Variants in TRIO observed in about 807,000 individuals in gnomAD.
TRIO encodes trio Rho guanine nucleotide exchange factor.
In TRIO, 58 loss-of-function variants were observed where a neutral mutation model predicts 351.9. The ratio of observed to expected loss-of-function variants is 0.16; its 90% CI spans 0.13 to 0.21. The LOEUF is 0.21. Among genes scored for constraint, TRIO ranks in the 10% least tolerant of loss-of-function variants. The pLI is 1.00. For synonymous variants in TRIO, 1,758 were observed against 1,595.7 expected (o/e 1.10, Z -2.42); for missense variants, 3,201 against 4,027.8 (o/e 0.79, Z 5.56).
At chr5:14,249,565 C>T (rs983903007) in intron 1 of TRIO, among the ~76,000 whole-genome samples, 2 of 152,152 alleles carry the variant, frequency 1.3e-5, no homozygotes, top group African/African-American at 4.8e-5. Context: ...TGGTCCGACC[C>T]CTTGGCATAA....
intron 54 of TRIO, among the ~76,000 whole-genome samples, chr5:14,503,785 G>C (rs185712435): frequency 6.6e-6 from 1 of 152,246 alleles, no homozygotes; most frequent in Non-Finnish European, 1.5e-5. Context: ...CGCCACAGGC[G>C]CATCTCTGGT....
intron 1 of TRIO, among the ~76,000 whole-genome samples, chr5:14,222,733 A>G (rs569597235): frequency 1.2e-4 from 18 of 152,298 alleles, no homozygotes; most frequent in Non-Finnish European, 2.1e-4. Context: ...ACCTTGTAAC[A>G]ATTCTCTGAG....
intron 53 of TRIO, among the ~76,000 whole-genome samples, chr5:14,501,945 T>A (rs1045513520): frequency 6.6e-6 from 1 of 152,226 alleles, no homozygotes; most frequent in Admixed American, 6.5e-5. Flanking sequence ...ACAGGAAGAC[T>A]CTTGAAAGGA....
At chr5:14,413,001 T>C (rs560528222) in intron 33 of TRIO, among the ~76,000 whole-genome samples, 1 of 152,344 alleles carries the variant, frequency 6.6e-6, no homozygotes, top group East Asian at 1.9e-4. Flanking sequence ...GTGACTAGCA[T>C]GTTCTAAGCA....
intron 49 of TRIO, among the ~76,000 whole-genome samples, chr5:14,493,374 G>A (rs764192730): frequency 7.2e-5 from 11 of 152,144 alleles, no homozygotes; most frequent in Non-Finnish European, 1.6e-4. Flanking sequence ...GTCCAACAAC[G>A]TATGCTCACA....
intron 1 of TRIO, among the ~76,000 whole-genome samples, chr5:14,190,942 T>C (rs533036234): frequency 2.6e-5 from 4 of 152,320 alleles, no homozygotes; most frequent in South Asian, 4.1e-4. Flanking sequence ...ATTTCCCTCA[T>C]GCATTAGGTA....
Position 14,283,071 on chromosome 5 carries a change from CCAAA to C in TRIO, c.347+2640_347+2643del, listed in dbSNP as rs200872442. Among the ~76,000 whole-genome samples the C allele has an allele frequency of 3.9e-3, 598 of 152,224 alleles. 4 individuals are homozygous for C. Among genetic ancestry groups the C allele is most frequent in the African/African-American group, 0.013 (556 of 41,522 alleles). On this transcript the variant is annotated intron_variant, in intron 3 of 56. Transcript: ENST00000344204. ...CAGCAGGAGCGCTGTTTGGTTTTAA[CCAAA>C]CAAATTATGTGATACAGATTTCACC...
intron 1 of TRIO, among the ~76,000 whole-genome samples, chr5:14,170,062 T>G (rs1166526109): frequency 6.6e-6 from 1 of 152,220 alleles, no homozygotes; most frequent in Non-Finnish European, 1.5e-5. Flanking sequence ...GTCAGGCTGC[T>G]TGGCAGGCAC....
intron 48 of TRIO, among the ~76,000 whole-genome samples, chr5:14,491,392 A>T (rs1404910257): frequency 6.6e-6 from 1 of 152,218 alleles, no homozygotes; most frequent in Non-Finnish European, 1.5e-5. Flanking sequence ...GAACCCATGA[A>T]CATCCCGACA....
chr5:14,397,827 T>G (rs941989421), intron 29 of TRIO, among the ~76,000 whole-genome samples: 3 of 152,042 alleles, frequency 2.0e-5, no homozygotes, highest in African/African-American at 7.2e-5. Flanking sequence ...CAAAACAGAT[T>G]TTTCTTTCTC....
intron 23 of TRIO, 37 bp from the exon 24 acceptor site, chr5:14,388,576 C>T (rs769684925): frequency 9.4e-6 from 15 of 1,587,948 alleles, no homozygotes; most frequent in Middle Eastern, 3.4e-4. Flanking sequence ...GTAAGCTGCA[C>T]CCTGACTGTA....
intron 1 of TRIO, among the ~76,000 whole-genome samples, chr5:14,223,281 A>T (rs77573727): frequency 9.5e-4 from 6 of 6,322 alleles, no homozygotes; most frequent in African/African-American, 1.7e-3. Flanking sequence ...ATGGGTCGAC[A>T]AAAATGTATG....
At chr5:14,408,233 C>G (rs1748894525) in intron 33 of TRIO, among the ~76,000 whole-genome samples, 1 of 152,196 alleles carries the variant, frequency 6.6e-6, no homozygotes, top group Non-Finnish European at 1.5e-5. Flanking sequence ...ATTCATGATA[C>G]TTAATGTTCT....
intron 16 of TRIO, 49 bp from the exon 17 acceptor site, chr5:14,368,659 C>T (rs767072984): frequency 1.3e-6 from 2 of 1,570,166 alleles, no homozygotes; most frequent in Admixed American, 1.8e-5. Context: ...CCTTTCTAGT[C>T]AGTGGGGACA....
At chr5:14,418,214 C>T (rs1749801837) in intron 33 of TRIO, among the ~76,000 whole-genome samples, 1 of 152,160 alleles carries the variant, frequency 6.6e-6, no homozygotes, top group African/African-American at 2.4e-5. Context: ...GGCAGGACCC[C>T]TCAGGAGGAG....
chr5:14,177,297 AT>A (rs1220729105), intron 1 of TRIO, among the ~76,000 whole-genome samples: 3 of 152,070 alleles, frequency 2.0e-5, no homozygotes, highest in Non-Finnish European at 4.4e-5. Context: ...GCACTTTTAA[AT>A]TTTTTTTGGT....
At chr5:14,480,695 G>A (rs1412001958) in intron 43 of TRIO, among the ~76,000 whole-genome samples, 2 of 152,200 alleles carry the variant, frequency 1.3e-5, no homozygotes, top group Non-Finnish European at 2.9e-5. Context: ...GATTAAACAG[G>A]AACAATTGGA....
chr5:14,394,270 T>G, intron 28 of TRIO, 140 bp downstream of exon 28: 1 of 570,354 alleles, frequency 1.8e-6, no homozygotes, highest in East Asian at 2.9e-5. Context: ...TTAGTATTTA[T>G]TGACCTGCCT....
intron 37 of TRIO, among the ~76,000 whole-genome samples, chr5:14,468,251 T>C (rs1754418021): frequency 6.6e-6 from 1 of 152,270 alleles, no homozygotes; most frequent in Non-Finnish European, 1.5e-5. Flanking sequence ...TGAAACTGAG[T>C]TGTTTCTGCT....
Sources: allele counts gnomAD v4.1 joint callset (sites outside exome capture counted in the v4.1 genomes callset), GRCh38; gene constraint gnomAD v4.1.1; transcripts MANE v1.5; gene names NCBI Gene and HGNC (gene_info 2026-07-23, HGNC 2026-07-21).